TTC28: variants seen among roughly 807,000 people sequenced by gnomAD.
TTC28 encodes tetratricopeptide repeat protein 28.
In TTC28, 61 loss-of-function variants were observed where a neutral mutation model predicts 198.0. The observed-to-expected ratio is 0.31, with a 90% confidence interval of 0.25 to 0.38. The LOEUF (loss-of-function observed/expected upper bound fraction) is 0.38, where lower values mean the gene tolerates loss of function less well. TTC28 is among the 10% of genes least tolerant of loss of function. The pLI is 1.00. For missense variants in TTC28, 2,678 were observed against 3,164.0 expected, an observed-to-expected ratio of 0.85 and a Z score of 3.69; for synonymous variants, 1,171 against 1,297.8, an observed-to-expected ratio of 0.90 and a Z score of 2.10.
Position 28,147,884 on chromosome 22 carries a change from G to T in TTC28, c.1441+15208C>A, listed in dbSNP as rs567224795. The stretch of plus-strand genomic sequence containing the variant: ...TTTTCATATATTCTCAATGGAAGCT[G>T]TTATTTGAATATCTAGAAAAGTGGA... On this transcript the variant is annotated intron_variant, in intron 6 of 22. Coordinates refer to ENST00000397906, the MANE Select transcript of TTC28 (RefSeq NM_001145418.2). Among the ~76,000 whole-genome samples the T allele has an allele frequency of 7.0e-4, 106 of 152,266 alleles. 1 individual carries two copies. Among genetic ancestry groups the T allele is most frequent in the Middle Eastern group, 3.4e-3 (1 of 294 alleles).
intron 12 of TTC28, among the ~76,000 whole-genome samples, chr22:28,083,975 C>T (rs1243094438): frequency 6.6e-6 from 1 of 152,260 alleles, no homozygotes; most frequent in African/African-American, 2.4e-5. Context: ...GGGGCGCCTG[C>T]CATTGCTCAG....
chr22:28,367,855 T>C (rs1038097698), intron 2 of TTC28, among the ~76,000 whole-genome samples: 30 of 151,926 alleles, frequency 2.0e-4, no homozygotes, highest in Non-Finnish European at 8.8e-5. Flanking sequence ...CTACCAAAAT[T>C]GAGCCACTGA....
chr22:28,669,283 C>A, intron 1 of TTC28, among the ~76,000 whole-genome samples: 1 of 143,010 alleles, frequency 7.0e-6, no homozygotes, highest in Non-Finnish European at 1.5e-5. Flanking sequence ...GCACATGTAC[C>A]CTAAAACTTA....
intron 2 of TTC28, among the ~76,000 whole-genome samples, chr22:28,577,725 T>C (rs2050173158): frequency 6.6e-6 from 1 of 152,184 alleles, no homozygotes; most frequent in Admixed American, 6.6e-5. Flanking sequence ...ATGACCTCCT[T>C]TGTCTCTTTT....
intron 5 of TTC28, among the ~76,000 whole-genome samples, chr22:28,253,323 T>C (rs1013522039): frequency 5.3e-5 from 8 of 152,260 alleles, no homozygotes; most frequent in Non-Finnish European, 1.0e-4. Flanking sequence ...ACTTTAATTA[T>C]AGATGGAATC....
intron 5 of TTC28, among the ~76,000 whole-genome samples, chr22:28,218,895 T>C (rs892238714): frequency 3.3e-5 from 5 of 152,016 alleles, no homozygotes; most frequent in Admixed American, 2.0e-4. Context: ...CAGATTCATG[T>C]TAAGGCTCCA....
chr22:28,481,340 T>C (rs1043663315), intron 2 of TTC28, among the ~76,000 whole-genome samples: 5 of 152,206 alleles, frequency 3.3e-5, no homozygotes, highest in African/African-American at 1.2e-4. Flanking sequence ...CAGAGATGCC[T>C]ATAATACGGA....
intron 12 of TTC28, among the ~76,000 whole-genome samples, chr22:28,041,426 C>A (rs562980369): frequency 1.3e-5 from 2 of 152,134 alleles, no homozygotes; most frequent in Non-Finnish European, 2.9e-5. Context: ...AGAAATAACA[C>A]CACATATCTA....
chr22:28,209,078 A>T (rs1353361510), intron 5 of TTC28, among the ~76,000 whole-genome samples: 1 of 152,248 alleles, frequency 6.6e-6, no homozygotes, highest in East Asian at 1.9e-4. Context: ...CATACTTTCA[A>T]ATTTTCATAC....
chr22:28,629,331 T>C, intron 2 of TTC28: 1 of 520,836 alleles, frequency 1.9e-6, no homozygotes, highest in Non-Finnish European at 3.3e-6. Flanking sequence ...ATCTCACACA[T>C]ACAGGAAAAG....
intron 2 of TTC28, among the ~76,000 whole-genome samples, chr22:28,626,222 T>C (rs2146197464): frequency 6.6e-6 from 1 of 152,246 alleles, no homozygotes; most frequent in East Asian, 1.9e-4. Flanking sequence ...TCATTGCTTT[T>C]GTGGGTTCCC....
chr22:28,566,127 T>C (rs2049965432), intron 2 of TTC28, among the ~76,000 whole-genome samples: 1 of 152,132 alleles, frequency 6.6e-6, no homozygotes, highest in South Asian at 2.1e-4. Context: ...CCTCCATATA[T>C]AGAGAGAATC....
intron 2 of TTC28, among the ~76,000 whole-genome samples, chr22:28,619,380 A>C (rs554528826): frequency 6.6e-6 from 1 of 152,344 alleles, no homozygotes; most frequent in East Asian, 1.9e-4. Flanking sequence ...GCTAATAAGG[A>C]GGAACAAACC....
chr22:28,366,309 A>G (rs1431106183), intron 2 of TTC28, among the ~76,000 whole-genome samples: 6 of 152,118 alleles, frequency 3.9e-5, no homozygotes, highest in African/African-American at 1.4e-4. Flanking sequence ...TTTCTTCTCA[A>G]CAAGTTTTTC....
In TTC28 at chr22:28,020,294, C is replaced by CTCTT. The variant is rs1938539561; in HGVS notation, c.4074-5903_4074-5902insAAGA. The stretch of plus-strand genomic sequence containing the variant: ...GACAGCCTAGCTCTCAGCAGAGGAT[C>CTCTT]TTCTCACCTCACTCTGTCTTTATTG... On this transcript the variant is annotated intron_variant, in intron 13 of 22. Transcript: ENST00000397906. Among the ~76,000 whole-genome samples, 8 of 152,250 alleles carry CTCTT rather than the reference C, an allele frequency of 5.3e-5. No homozygotes were observed. In the South Asian group the frequency reaches 1.4e-3, roughly 28 times the overall value.
At chr22:28,286,551 C>G (rs1264572985) in intron 5 of TTC28, among the ~76,000 whole-genome samples, 1 of 152,080 alleles carries the variant, frequency 6.6e-6, no homozygotes, top group Non-Finnish European at 1.5e-5. Flanking sequence ...TATAAATCTA[C>G]GAGAATACAC....
intron 2 of TTC28, among the ~76,000 whole-genome samples, chr22:28,402,074 A>T (rs542819113): frequency 6.6e-6 from 1 of 152,360 alleles, no homozygotes; most frequent in African/African-American, 2.4e-5. Flanking sequence ...ACTCCCAAAG[A>T]ATACATCTAT....
At chr22:28,579,120 A>G (rs1193616711) in intron 2 of TTC28, among the ~76,000 whole-genome samples, 1 of 151,394 alleles carries the variant, frequency 6.6e-6, no homozygotes, top group African/African-American at 2.4e-5. Flanking sequence ...ATAGCTATAC[A>G]TACATACATA....
At chr22:28,259,140 A>G (rs1931152929) in intron 5 of TTC28, among the ~76,000 whole-genome samples, 1 of 152,072 alleles carries the variant, frequency 6.6e-6, no homozygotes, top group Non-Finnish European at 1.5e-5. Flanking sequence ...AGTTCTTTTG[A>G]AGCAATTTGT....
Sources: gnomAD v4.1 joint callset for allele counts (sites outside exome capture counted in the v4.1 genomes callset) on GRCh38, gnomAD v4.1.1 for gene constraint, MANE v1.5 for transcripts, NCBI Gene and HGNC (gene_info 2026-07-23, HGNC 2026-07-21) for gene names.